The following MYRIP variants were observed in gnomAD, a reference collection of about 807,000 sequenced individuals.
MYRIP encodes myosin VIIA and Rab interacting protein.
Under a neutral mutation model 98.0 loss-of-function variants are expected in MYRIP, and 49 were observed. The ratio of observed to expected loss-of-function variants is 0.50; its 90% CI spans 0.40 to 0.63. The LOEUF is 0.63. Among genes scored for constraint, MYRIP ranks in the 30% least tolerant of loss-of-function variants. MYRIP has a pLI of 0.00. For synonymous variants in MYRIP, 404 were observed against 409.5 expected, an observed-to-expected ratio of 0.99 and a Z score of 0.16; for missense variants, 1,004 against 1,058.2, an observed-to-expected ratio of 0.95 and a Z score of 0.71.
chr3:40,114,803 C>T (rs1343035572), intron 3 of MYRIP, among the ~76,000 whole-genome samples: 1 of 152,204 alleles, frequency 6.6e-6, no homozygotes, highest in Non-Finnish European at 1.5e-5. Flanking sequence ...ATCAATACAG[C>T]TCCCTGCTTG....
intron 1 of MYRIP, among the ~76,000 whole-genome samples, chr3:39,836,362 CA>C (rs1380776778): frequency 6.6e-6 from 1 of 152,000 alleles, no homozygotes; most frequent in South Asian, 2.1e-4. Flanking sequence ...ACCTTTTTTG[CA>C]TATGTTTTTT....
At chr3:39,968,583 TC>T (rs1486341313) in intron 2 of MYRIP, among the ~76,000 whole-genome samples, 1 of 152,076 alleles carries the variant, frequency 6.6e-6, no homozygotes, top group African/African-American at 2.4e-5. Flanking sequence ...GAATAGAGAG[TC>T]TTTTCCCCAT....
chr3:39,878,158 G>T (rs1421103310), intron 1 of MYRIP, among the ~76,000 whole-genome samples: 1 of 152,180 alleles, frequency 6.6e-6, no homozygotes, highest in African/African-American at 2.4e-5. Context: ...CCATATGCGG[G>T]ATATAATCTC....
At chr3:39,975,856 C>T (rs1945737122) in intron 2 of MYRIP, among the ~76,000 whole-genome samples, 1 of 152,132 alleles carries the variant, frequency 6.6e-6, no homozygotes, top group Admixed American at 6.5e-5. Flanking sequence ...ATGTAGAAAG[C>T]TGAAACTGGA....
intron 3 of MYRIP, among the ~76,000 whole-genome samples, chr3:40,110,484 A>G (rs997286810): frequency 3.9e-5 from 6 of 152,220 alleles, no homozygotes; most frequent in African/African-American, 1.4e-4. Flanking sequence ...TTCTAACCTC[A>G]AAGATGCTCA....
chr3:39,875,139 G>A lies in MYRIP; in HGVS notation c.-30-25648G>A, dbSNP rs529091699. On this transcript the variant is annotated intron_variant, in intron 1 of 16. Coordinates refer to ENST00000302541, the MANE Select transcript of MYRIP (RefSeq NM_015460.4). Reference sequence around the variant, plus strand: ...CTAATTTATTTGTGTAAAGGTGTTTGTAGTATTCTCTGATGGTAGTTTGTA... The same window carrying A: ...CTAATTTATTTGTGTAAAGGTGTTTATAGTATTCTCTGATGGTAGTTTGTA... Among the ~76,000 whole-genome samples, 8 of 152,246 alleles carry A rather than the reference G, an allele frequency of 5.3e-5. No individual in the cohort carries two copies. The East Asian group carries it at 1.2e-3, about 22-fold the overall frequency.
intron 11 of MYRIP, among the ~76,000 whole-genome samples, chr3:40,221,013 T>C (rs1486411958): frequency 3.4e-5 from 3 of 87,386 alleles, no homozygotes; most frequent in Admixed American, 1.9e-4. Flanking sequence ...CCAACAGATA[T>C]AGGGTAATGT....
intron 2 of MYRIP, among the ~76,000 whole-genome samples, chr3:39,979,458 G>A (rs1945830936): frequency 6.6e-6 from 1 of 151,970 alleles, no homozygotes; most frequent in African/African-American, 2.4e-5. Context: ...GACCAACATG[G>A]AGAAACCCCG....
chr3:40,118,265 G>A (rs4530464), intron 3 of MYRIP, among the ~76,000 whole-genome samples: 79,642 of 152,030 alleles, frequency 0.52, 21,143 homozygotes, highest in Admixed American at 0.61. Flanking sequence ...TATAAATTGC[G>A]ATAACTCAAA....
At chr3:39,926,919 A>T (rs930559588) in intron 2 of MYRIP, among the ~76,000 whole-genome samples, 5 of 152,116 alleles carry the variant, frequency 3.3e-5, no homozygotes, top group African/African-American at 1.2e-4. Flanking sequence ...TGCTTTGAAC[A>T]GTATGGCCAT....
chr3:40,100,106 C>T, intron 3 of MYRIP: 3 of 985,416 alleles, frequency 3.0e-6, no homozygotes, highest in Non-Finnish European at 3.6e-6. Context: ...CTGGCTTATC[C>T]TCTGTCTGGG....
intron 2 of MYRIP, among the ~76,000 whole-genome samples, chr3:39,978,710 A>G (rs901619214): frequency 1.2e-4 from 18 of 152,270 alleles, no homozygotes; most frequent in African/African-American, 3.9e-4. Flanking sequence ...TCACATAACT[A>G]AATTTGAGTT....
At chr3:40,124,914 T>A (rs1290222189) in intron 3 of MYRIP, among the ~76,000 whole-genome samples, 1 of 152,126 alleles carries the variant, frequency 6.6e-6, no homozygotes, top group East Asian at 1.9e-4. Flanking sequence ...TTCAATTGCC[T>A]CCCTCATATA....
intron 16 of MYRIP, among the ~76,000 whole-genome samples, chr3:40,254,367 A>T (rs1451785563): frequency 6.6e-6 from 1 of 151,774 alleles, no homozygotes; most frequent in East Asian, 1.9e-4. Flanking sequence ...TTTTTTTTAC[A>T]TCAGGTGACA....
chr3:39,868,820 A>C (rs188737732), intron 1 of MYRIP, among the ~76,000 whole-genome samples: 1 of 152,238 alleles, frequency 6.6e-6, no homozygotes, highest in Non-Finnish European at 1.5e-5. Flanking sequence ...TTTGGATATA[A>C]AATTATGGGT....
intron 4 of MYRIP, among the ~76,000 whole-genome samples, chr3:40,157,427 G>T (rs1288675156): frequency 2.6e-4 from 38 of 148,552 alleles, no homozygotes; most frequent in Admixed American, 7.4e-4. Flanking sequence ...TTGCATCAAT[G>T]TTCATCAAGG....
chr3:39,842,639 A>G (rs1201552410), intron 1 of MYRIP, among the ~76,000 whole-genome samples: 1 of 152,162 alleles, frequency 6.6e-6, no homozygotes, highest in Non-Finnish European at 1.5e-5. Context: ...GACCATGGGA[A>G]AAGCCCAGTA....
At chr3:39,968,222 G>GTTTTT (rs34248673) in intron 2 of MYRIP, among the ~76,000 whole-genome samples, 1 of 147,456 alleles carries the variant, frequency 6.8e-6, no homozygotes, top group Admixed American at 6.8e-5. Flanking sequence ...CATTTAACTT[G>GTTTTT]TTTTTTTTTT....
chr3:39,940,718 A>G (rs1944763861), intron 2 of MYRIP, among the ~76,000 whole-genome samples: 2 of 152,168 alleles, frequency 1.3e-5, no homozygotes, highest in African/African-American at 4.8e-5. Flanking sequence ...AATATTTATT[A>G]AAGCAAACAA....
Sources: allele counts gnomAD v4.1 joint callset (sites outside exome capture counted in the v4.1 genomes callset), GRCh38; gene constraint gnomAD v4.1.1; transcripts MANE v1.5; gene names NCBI Gene and HGNC (gene_info 2026-07-23, HGNC 2026-07-21).